The following WDFY4 variants were observed in gnomAD, a reference collection of about 807,000 sequenced individuals.
WDFY4 encodes the protein WDFY family member 4.
In WDFY4, 169 loss-of-function variants were observed where a neutral mutation model predicts 351.9. That is an observed-to-expected ratio of 0.48 (90% confidence interval 0.42 to 0.55). The LOEUF is 0.55. Ranked by LOEUF, WDFY4 falls within the 20% of genes least tolerant of loss-of-function variation. WDFY4 has a pLI of 0.00. For synonymous variants in WDFY4, 1,622 were observed against 1,574.6 expected (o/e 1.03, Z -0.71); for missense variants, 3,803 against 3,935.6 (o/e 0.97, Z 0.90).
chr10:48,943,673 A>C (rs557178765), intron 49 of WDFY4, among the ~76,000 whole-genome samples: 106 of 152,216 alleles, frequency 7.0e-4, no homozygotes, highest in Non-Finnish European at 1.3e-3. Flanking sequence ...GCTCACCGCA[A>C]CTTCCGCCTC....
chr10:48,946,806 C>G, intron 50 of WDFY4, 54 bp from the exon 51 acceptor site: 1 of 1,304,684 alleles, frequency 7.7e-7, no homozygotes, highest in South Asian at 1.3e-5. Flanking sequence ...CACATATCTG[C>G]CACGTGTGAG....
chr10:48,981,098 G>T (rs933553338), intron 60 of WDFY4, among the ~76,000 whole-genome samples: 1 of 152,144 alleles, frequency 6.6e-6, no homozygotes, highest in Non-Finnish European at 1.5e-5. Flanking sequence ...ATGCAATTTA[G>T]AAAGCAATAA....
Position 48,743,439 on chromosome 10 carries a change from C to T in WDFY4, c.2350C>T (p.Leu784=). The part of the protein sequence containing the change: ...ASGTLHLRGD[L]KESLRTKQGP... Reference sequence around the variant, plus strand: ...CGGCACCCTCCACTTGCGTGGGGACCTGAAGGAGTCCCTGAGGACCAAGCA... The same window carrying T: ...CGGCACCCTCCACTTGCGTGGGGACTTGAAGGAGTCCCTGAGGACCAAGCA... Residue 784 remains leucine, a synonymous_variant, in exon 12 of 62, where the codon CTG becomes TTG. Transcript: ENST00000325239. The T allele has an allele frequency of 6.4e-7, 1 of 1,550,860 alleles. No homozygotes were observed. Among genetic ancestry groups the T allele is most frequent in the Non-Finnish European group, 8.7e-7 (1 of 1,146,970 alleles).
At chr10:48,802,848 C>T in intron 24 of WDFY4, 1 of 478,062 alleles carries the variant, frequency 2.1e-6, no homozygotes, top group East Asian at 6.8e-5. Context: ...TCCTGTCCTG[C>T]CACTTGCTGG....
chr10:48,927,106 T>G (rs1222215811), intron 47 of WDFY4, among the ~76,000 whole-genome samples: 1 of 152,212 alleles, frequency 6.6e-6, no homozygotes, highest in Non-Finnish European at 1.5e-5. Flanking sequence ...GTATGCAGAC[T>G]GCCTGAAGTT....
Position 48,777,429 on chromosome 10 carries a change from A to G in WDFY4, c.3109A>G (p.Ile1037Val). ...ATTTTCTATTTCCAGCTGTTTGTTT[A>G]TTCCAACCCTGTCCACAGTTATGGG... ...MSVEGYGCLF[I>V]PTLSTVMGTS... Residue 1037 changes from isoleucine (I) to valine (V), a missense_variant, in exon 17 of 62, where the codon ATT becomes GTT. Coordinates refer to ENST00000325239, the MANE Select transcript of WDFY4 (RefSeq NM_001394531.1). The G allele has an allele frequency of 6.4e-7, 1 of 1,551,714 alleles. No individual in the cohort carries two copies. Among genetic ancestry groups the G allele is most frequent in the Non-Finnish European group, 8.7e-7 (1 of 1,146,998 alleles).
At chr10:48,830,261 A>C (rs931823301) in intron 37 of WDFY4, among the ~76,000 whole-genome samples, 6 of 152,172 alleles carry the variant, frequency 3.9e-5, no homozygotes, top group Non-Finnish European at 1.5e-5. Flanking sequence ...GATAGTCTTG[A>C]GCTTGGTGTC....
In WDFY4 at chr10:48,774,535, G is replaced by A. The variant is rs762622887; in HGVS notation, c.2631G>A (p.Met877Ile). 10 of 1,551,604 alleles carry A rather than the reference G, an allele frequency of 6.4e-6. No homozygotes were observed. The African/African-American group carries it at 8.2e-5, about 13-fold the overall frequency. Residue 877 changes from methionine (M) to isoleucine (I), a missense_variant, in exon 14 of 62, where the codon ATG becomes ATA. Coordinates refer to ENST00000325239, the MANE Select transcript of WDFY4 (RefSeq NM_001394531.1). ...LVKSEKNRQV[M>I]CEAGLLGTLM... is the part of the protein sequence containing the mutation. ...AGTCGGAGAAGAACCGCCAGGTCATGTGCGAAGCAGGCTTGCTTGGGACCC... is the reference window on the plus strand; with the variant it reads ...AGTCGGAGAAGAACCGCCAGGTCATATGCGAAGCAGGCTTGCTTGGGACCC...
At chr10:48,847,380 T>C (rs988492793) in intron 39 of WDFY4, among the ~76,000 whole-genome samples, 1 of 152,184 alleles carries the variant, frequency 6.6e-6, no homozygotes, top group Non-Finnish European at 1.5e-5. Context: ...AACATATGAA[T>C]TGGGGGGAAC....
intron 47 of WDFY4, 68 bp from the exon 48 acceptor site, chr10:48,941,738 C>T: frequency 6.6e-7 from 1 of 1,517,644 alleles, no homozygotes; most frequent in Non-Finnish European, 9.0e-7. Flanking sequence ...CAGGCAAGCC[C>T]CACCTCTCCC....
At chr10:48,732,535 G>A (rs1175030528) in intron 9 of WDFY4, among the ~76,000 whole-genome samples, 2 of 152,192 alleles carry the variant, frequency 1.3e-5, no homozygotes, top group African/African-American at 4.8e-5. Flanking sequence ...CAGTCTGTCT[G>A]TTTCCTGGGC....
intron 12 of WDFY4, among the ~76,000 whole-genome samples, chr10:48,749,885 C>T (rs561607434): frequency 1.6e-4 from 25 of 152,260 alleles, no homozygotes; most frequent in Admixed American, 1.1e-3. Context: ...TGCCAGGCCT[C>T]GTGGGCTGAC....
chr10:48,794,632 A>C (rs990593698), intron 23 of WDFY4, among the ~76,000 whole-genome samples: 1 of 152,246 alleles, frequency 6.6e-6, no homozygotes, highest in African/African-American at 2.4e-5. Flanking sequence ...AATATAATTA[A>C]AACCCAGTAA....
chr10:48,959,773 C>T lies in WDFY4; in HGVS notation c.8183C>T (p.Ala2728Val). Residue 2728 changes from alanine to valine, a missense_variant, in exon 53 of 62, where the codon GCT becomes GTT. Ala to Val is a moderately conservative substitution (Grantham distance 64, BLOSUM62 0). Around this residue, in one of 3 missense-constraint regions of WDFY4, gnomAD observed 3,054 missense variants for 3,148.6 expected, o/e 0.97. Transcript: ENST00000325239. Reference sequence around the variant, plus strand: ...GGAGACGTGCAGCTCCCTCCCTGGGCTGATGGGGACCCTCGGAAATTCATC... The same window carrying T: ...GGAGACGTGCAGCTCCCTCCCTGGGTTGATGGGGACCCTCGGAAATTCATC... ...VLGDVQLPPW[A>V]DGDPRKFISL... 2.6e-6 allele frequency: 4 copies of T among 1,551,524 alleles called. No individual in the cohort carries two copies. The highest frequency in any genetic ancestry group is 3.5e-6 in the Non-Finnish European group (4 of 1,146,848).
In WDFY4 at chr10:48,890,724, C is replaced by G; in HGVS notation, c.7313C>G (p.Ser2438Cys). The change falls in exon 44 of 62, where the codon TCC becomes TGC. Residue 2438 changes from serine to cysteine, a missense_variant. Physicochemically the swap from Ser to Cys is moderately radical, Grantham distance 112 (BLOSUM62 -1). Around this residue, in one of 3 missense-constraint regions of WDFY4, gnomAD observed 3,054 missense variants for 3,148.6 expected, o/e 0.97. Transcript: ENST00000325239. ...GTCTACTGTACCCGTCACTGCTTAT[C>G]CAAGTGAGTTATCCACTTCTCCCAG... ...GDVYCTRHCL[S>C]NISDPFIFNL... The G allele has an allele frequency of 6.4e-7, 1 of 1,551,740 alleles. No homozygotes were observed. The highest frequency in any genetic ancestry group is 8.7e-7 in the Non-Finnish European group (1 of 1,146,976).
chr10:48,798,267 G>A (rs112876833), intron 24 of WDFY4, among the ~76,000 whole-genome samples: 1 of 151,682 alleles, frequency 6.6e-6, no homozygotes, highest in African/African-American at 2.4e-5. Flanking sequence ...AAATCAAAAC[G>A]CAGAGAAAGA....
At chr10:48,692,049 G>T (rs11101429) in intron 1 of WDFY4, among the ~76,000 whole-genome samples, 3 of 152,070 alleles carry the variant, frequency 2.0e-5, no homozygotes, top group Non-Finnish European at 4.4e-5. Context: ...AGCCCAGGAT[G>T]GGGGGTGTGA....
At chr10:48,892,656 T>C (rs1163681812) in intron 44 of WDFY4, among the ~76,000 whole-genome samples, 1 of 152,194 alleles carries the variant, frequency 6.6e-6, no homozygotes, top group Non-Finnish European at 1.5e-5. Context: ...TTAAAGAAGA[T>C]ACATAAATAA....
intron 39 of WDFY4, among the ~76,000 whole-genome samples, chr10:48,836,460 G>A (rs2068396878): frequency 6.6e-6 from 1 of 152,158 alleles, no homozygotes; most frequent in Non-Finnish European, 1.5e-5. Flanking sequence ...TGTAATTAAA[G>A]GAGTTGGTGT....
Sources: gnomAD v4.1 joint callset for allele counts (sites outside exome capture counted in the v4.1 genomes callset) on GRCh38, gnomAD v4.1.1 for gene constraint, gnomAD v4.1.1 regional missense constraint, MANE v1.5 for transcripts, NCBI Gene and HGNC (gene_info 2026-07-23, HGNC 2026-07-21) for gene names.